The following CLPX variants were observed in gnomAD, a reference collection of about 807,000 sequenced individuals.
CLPX encodes ATP-dependent clpX-like chaperone, mitochondrial.
Under a neutral mutation model 76.4 loss-of-function variants are expected in CLPX, and 34 were observed. The observed-to-expected ratio is 0.45, with a 90% CI of 0.34 to 0.59. The LOEUF (loss-of-function observed/expected upper bound fraction) is 0.59, where lower values mean the gene tolerates loss of function less well. Ranked by LOEUF, CLPX falls within the 20% of genes least tolerant of loss-of-function variation. CLPX has a pLI of 0.01. For missense variants in CLPX, 613 were observed against 757.0 expected (o/e 0.81, Z 2.23); for synonymous variants, 248 against 270.9 (o/e 0.92, Z 0.83).
chr15:65,169,575 C>G (rs1021046698), intron 3 of CLPX, among the ~76,000 whole-genome samples: 5 of 151,758 alleles, frequency 3.3e-5, no homozygotes, highest in Non-Finnish European at 5.9e-5. Context: ...AAAAACTAGC[C>G]GGGCATGGTA....
In CLPX at chr15:65,150,784, G is replaced by A. The variant is rs777474164; in HGVS notation, c.*39C>T. The A allele has an allele frequency of 1.3e-5, 18 of 1,391,274 alleles. No individual in the cohort carries two copies. Among genetic ancestry groups the A allele is most frequent in the Non-Finnish European group, 1.8e-5 (18 of 989,138 alleles). The allele number at this position is 1,391,274 out of a possible 1,614,324, so 86.2% of individuals were successfully genotyped here. ...GAGACAATTATGATCCTAAACAAAA[G>A]AAGGAAAAGCTGTATATACAAGACA... On this transcript the variant is annotated 3_prime_UTR_variant, in exon 14 of 14. Coordinates refer to ENST00000300107, the MANE Select transcript of CLPX (RefSeq NM_006660.5).
intron 4 of CLPX, among the ~76,000 whole-genome samples, chr15:65,165,251 C>T (rs1224940758): frequency 6.6e-6 from 1 of 151,980 alleles, no homozygotes; most frequent in East Asian, 1.9e-4. Context: ...TCACTTGAGC[C>T]CAGGGAGGTT....
At chr15:65,160,104 C>T (rs964464806) in intron 6 of CLPX, among the ~76,000 whole-genome samples, 1 of 152,168 alleles carries the variant, frequency 6.6e-6, no homozygotes, top group Non-Finnish European at 1.5e-5. Flanking sequence ...TGAGACACCG[C>T]GCCTGGCCTA....
chr15:65,176,242 A>G (rs1255946667), intron 3 of CLPX, among the ~76,000 whole-genome samples: 4 of 152,226 alleles, frequency 2.6e-5, no homozygotes, highest in African/African-American at 9.6e-5. Flanking sequence ...GGAGTTTGGG[A>G]ATCTCTAAGT....
At chr15:65,181,796 A>G (rs2088176625) in intron 1 of CLPX, among the ~76,000 whole-genome samples, 1 of 150,736 alleles carries the variant, frequency 6.6e-6, no homozygotes, top group Non-Finnish European at 1.5e-5. Flanking sequence ...AAATAAATAA[A>G]GATAGTATCA....
chr15:65,163,788 A>G (rs2087879091), intron 5 of CLPX, among the ~76,000 whole-genome samples: 1 of 152,168 alleles, frequency 6.6e-6, no homozygotes, highest in African/African-American at 2.4e-5. Context: ...TGCCAGGCCT[A>G]AGAAATAATA....
intron 3 of CLPX, among the ~76,000 whole-genome samples, chr15:65,168,383 C>CAAAAAAAA (rs71136319): frequency 0.13 from 4,559 of 35,554 alleles, 1,387 homozygotes; most frequent in East Asian, 0.24. Context: ...GACTCTGTCT[C>CAAAAAAAA]AAAAAAAAAA....
chr15:65,162,310 A>G (rs1001391133), intron 6 of CLPX, among the ~76,000 whole-genome samples: 1 of 152,212 alleles, frequency 6.6e-6, no homozygotes, highest in Non-Finnish European at 1.5e-5. Context: ...TAGCTAGAAA[A>G]TAATCTGCCT....
chr15:65,171,461 C>T (rs1448644786), intron 3 of CLPX, among the ~76,000 whole-genome samples: 2 of 150,464 alleles, frequency 1.3e-5, no homozygotes, highest in Non-Finnish European at 3.0e-5. Context: ...AAAAAAAAAA[C>T]ATTTCGGATA....
chr15:65,175,399 C>G (rs1036915303), intron 3 of CLPX, among the ~76,000 whole-genome samples: 3 of 152,030 alleles, frequency 2.0e-5, no homozygotes, highest in African/African-American at 7.2e-5. Context: ...GGCTGAGGCA[C>G]CTGAGGCTGG....
intron 3 of CLPX, among the ~76,000 whole-genome samples, chr15:65,168,116 A>T (rs1399323420): frequency 6.7e-6 from 1 of 149,496 alleles, no homozygotes; most frequent in Non-Finnish European, 1.5e-5. Flanking sequence ...TTGGCCAGGC[A>T]TGGTGGCTCA....
At position 65,185,313 on chromosome 15, in the gene CLPX, T is replaced by C. The variant is rs2088245493; in HGVS notation, c.-160A>G. The stretch of plus-strand genomic sequence containing the variant: ...CCCGGCAGCCAGGCCTTCACGCTTC[T>C]CTGCCCCACAGCCGTCTATTCACCA... On this transcript the variant is annotated 5_prime_UTR_variant, in exon 1 of 14. Transcript: ENST00000300107. 5.0e-6 allele frequency: 3 copies of C among 603,924 alleles called. No homozygotes were observed. In the East Asian group the frequency reaches 8.7e-5, roughly 17 times the overall value. 37.4% of individuals were successfully genotyped at this position (603,924 alleles called of 1,614,324 possible).
At chr15:65,175,112 C>T (rs893366588) in intron 3 of CLPX, among the ~76,000 whole-genome samples, 1 of 152,140 alleles carries the variant, frequency 6.6e-6, no homozygotes, top group Admixed American at 6.6e-5. Context: ...ATTACTTAAA[C>T]AGGCCATTCA....
chr15:65,173,237 G>A (rs1284778342), intron 3 of CLPX, among the ~76,000 whole-genome samples: 2 of 151,924 alleles, frequency 1.3e-5, no homozygotes, highest in Admixed American at 6.6e-5. Context: ...GGGTGTGGTG[G>A]TGGGCACCTA....
At chr15:65,156,541 T>C (rs1223554796) in intron 9 of CLPX, 2 of 319,444 alleles carry the variant, frequency 6.3e-6, no homozygotes, top group African/African-American at 4.3e-5. Context: ...GTTAGAATCA[T>C]AACTTTCTTC....
At chr15:65,178,665 T>C (rs969859487) in intron 3 of CLPX, among the ~76,000 whole-genome samples, 5 of 151,042 alleles carry the variant, frequency 3.3e-5, no homozygotes, top group African/African-American at 1.2e-4. Flanking sequence ...TTAAAAGAAG[T>C]AGCTAAGACC....
In CLPX at chr15:65,167,316, G is replaced by A. The variant is rs192640751; in HGVS notation, c.359-531C>T. On this transcript the variant is annotated intron_variant, in intron 3 of 13. Transcript: ENST00000300107. ...GATCTCTTCACCTTGTTATCTGCCC[G>A]TCTCCGCCTCCCAAAGTGCTGGGAT... Among the ~76,000 whole-genome samples the A allele has an allele frequency of 5.2e-3, 798 of 152,136 alleles. 13 individuals are homozygous for A. The highest frequency in any genetic ancestry group is 0.018 in the African/African-American group (744 of 41,506).
intron 1 of CLPX, 87 bp from the exon 2 acceptor site, chr15:65,180,291 T>G: frequency 9.8e-7 from 1 of 1,023,434 alleles, no homozygotes; most frequent in Non-Finnish European, 1.4e-6. Flanking sequence ...TAAAGGAGGT[T>G]GAAAAAAAGC....
chr15:65,155,673 A>T lies in CLPX; in HGVS notation c.1311+19T>A. 6.2e-7 allele frequency: 1 copy of T among 1,602,486 alleles called. No homozygotes were observed. The highest frequency in any genetic ancestry group is 8.5e-7 in the Non-Finnish European group (1 of 1,171,402). On this transcript the variant is annotated intron_variant, in intron 10 of 13. Coordinates refer to ENST00000300107, the MANE Select transcript of CLPX (RefSeq NM_006660.5). ...TTAAATGCTCTCTATCCTTCTAGTA[A>T]CCCCTCAGAAAAACTTACCTTTTCA...
Sources: allele counts gnomAD v4.1 joint callset (sites outside exome capture counted in the v4.1 genomes callset), GRCh38; gene constraint gnomAD v4.1.1; transcripts MANE v1.5; gene names NCBI Gene and HGNC (gene_info 2026-07-23, HGNC 2026-07-21).